The following UPP2 variants were observed in gnomAD, a reference collection of about 807,000 sequenced individuals.
UPP2 encodes the protein UPase 2.
In UPP2, 23 loss-of-function variants were observed where a neutral mutation model predicts 26.7. The observed-to-expected ratio is 0.86, with a 90% CI of 0.62 to 1.22. UPP2 has a LOEUF of 1.22. Among genes scored for constraint, UPP2 ranks in the 50% most tolerant of loss-of-function variants. UPP2 has a pLI of 0.00. For synonymous variants in UPP2, 127 were observed against 141.3 expected (o/e 0.90, Z 0.72); for missense variants, 387 against 396.7 (o/e 0.98, Z 0.21).
chr2:158,037,329 T>C (rs1684019034), intron 3 of UPP2, among the ~76,000 whole-genome samples: 1 of 152,002 alleles, frequency 6.6e-6, no homozygotes, highest in Non-Finnish European at 1.5e-5. Flanking sequence ...GAGCCGAGAT[T>C]GTGCCATTGC....
intron 2 of UPP2, among the ~76,000 whole-genome samples, chr2:158,011,625 G>T (rs1370812492): frequency 6.6e-6 from 1 of 151,276 alleles, no homozygotes; most frequent in East Asian, 1.9e-4. Context: ...GAGGATGTAG[G>T]GTCATGTGAA....
intron 3 of UPP2, among the ~76,000 whole-genome samples, chr2:158,059,837 A>G (rs1429187907): frequency 1.3e-5 from 2 of 152,018 alleles, no homozygotes; most frequent in Non-Finnish European, 2.9e-5. Flanking sequence ...TCAATGTTCT[A>G]TCTGGACCTT....
intron 2 of UPP2, among the ~76,000 whole-genome samples, chr2:158,000,823 T>C (rs1198189311): frequency 2.0e-5 from 3 of 152,256 alleles, no homozygotes; most frequent in Non-Finnish European, 4.4e-5. Context: ...TAGAAGATGC[T>C]GAAGGAGGGA....
chr2:158,080,319 C>T (rs1432451478), intron 3 of UPP2, among the ~76,000 whole-genome samples: 1 of 152,068 alleles, frequency 6.6e-6, no homozygotes, highest in Admixed American at 6.6e-5. Flanking sequence ...AGATTATGAG[C>T]TTGCTGGCCC....
chr2:158,092,769 A>G (rs1682930046), intron 3 of UPP2, among the ~76,000 whole-genome samples: 1 of 152,224 alleles, frequency 6.6e-6, no homozygotes, highest in African/African-American at 2.4e-5. Flanking sequence ...ATTAGAGTTA[A>G]ATTGTTCCAA....
At chr2:158,075,175 T>C (rs1682611753) in intron 3 of UPP2, among the ~76,000 whole-genome samples, 1 of 152,036 alleles carries the variant, frequency 6.6e-6, no homozygotes, top group Non-Finnish European at 1.5e-5. Context: ...CAGTAATAGC[T>C]GAAGATTTCA....
intron 3 of UPP2, among the ~76,000 whole-genome samples, chr2:158,041,343 A>G (rs1478176943): frequency 1.3e-5 from 2 of 152,174 alleles, no homozygotes; most frequent in African/African-American, 2.4e-5. Flanking sequence ...TTAAATGTTG[A>G]TTTTTTGGCT....
At chr2:158,129,779 T>G (rs1307468267) in intron 6 of UPP2, among the ~76,000 whole-genome samples, 2 of 151,778 alleles carry the variant, frequency 1.3e-5, no homozygotes, top group African/African-American at 4.8e-5. Flanking sequence ...GTTTGTTTTT[T>G]TTTTGAGACA....
intron 2 of UPP2, among the ~76,000 whole-genome samples, chr2:157,996,154 T>C (rs1683321648): frequency 6.6e-6 from 1 of 152,180 alleles, no homozygotes. Flanking sequence ...CTTGCCACTC[T>C]ACCATACACA....
At chr2:158,065,987 A>T in intron 3 of UPP2, 1 of 407,658 alleles carries the variant, frequency 2.5e-6, no homozygotes, top group Non-Finnish European at 4.5e-6. Flanking sequence ...TAACTTTTGT[A>T]TTTGGAGAAG....
At chr2:158,059,200 C>T (rs1306879591) in intron 3 of UPP2, among the ~76,000 whole-genome samples, 1 of 152,204 alleles carries the variant, frequency 6.6e-6, no homozygotes, top group African/African-American at 2.4e-5. Flanking sequence ...TAGATATCTT[C>T]AAGAAGTCCA....
At chr2:158,016,456 T>G (rs912118436) in intron 3 of UPP2, among the ~76,000 whole-genome samples, 1 of 152,092 alleles carries the variant, frequency 6.6e-6, no homozygotes, top group Non-Finnish European at 1.5e-5. Flanking sequence ...TTCTCCTGCC[T>G]CAGCCTCCCA....
At chr2:158,024,392 C>G (rs778175139) in intron 3 of UPP2, among the ~76,000 whole-genome samples, 6 of 152,112 alleles carry the variant, frequency 3.9e-5, no homozygotes, top group Non-Finnish European at 7.4e-5. Context: ...GGGATGTAAA[C>G]TGCATGGGAA....
chr2:157,997,255 T>A (rs555705268), intron 2 of UPP2, among the ~76,000 whole-genome samples: 1 of 152,194 alleles, frequency 6.6e-6, no homozygotes, highest in East Asian at 1.9e-4. Flanking sequence ...TATTTTTTTT[T>A]ATTTTTATTT....
intron 3 of UPP2, among the ~76,000 whole-genome samples, chr2:158,017,381 T>C (rs1683675862): frequency 6.6e-6 from 1 of 152,120 alleles, no homozygotes; most frequent in African/African-American, 2.4e-5. Flanking sequence ...TTCTGGGCAA[T>C]ACAGAAGTCA....
intron 3 of UPP2, among the ~76,000 whole-genome samples, chr2:158,091,537 G>T (rs537546021): frequency 3.9e-5 from 6 of 152,308 alleles, no homozygotes; most frequent in African/African-American, 1.4e-4. Flanking sequence ...TCAATGCATG[G>T]TATATTTGTT....
intron 3 of UPP2, among the ~76,000 whole-genome samples, chr2:158,017,259 T>C (rs954084907): frequency 6.6e-6 from 1 of 152,192 alleles, no homozygotes; most frequent in Non-Finnish European, 1.5e-5. Flanking sequence ...GTAAAACTTT[T>C]ATGGAGTGTG....
chr2:158,064,763 T>G (rs1682408713), intron 3 of UPP2, among the ~76,000 whole-genome samples: 2 of 152,230 alleles, frequency 1.3e-5, no homozygotes, highest in Admixed American at 6.5e-5. Context: ...TTGATTTTTG[T>G]ATAAGGTGTA....
rs368883207 is a variant in UPP2, at chr2:158,117,866, C to G, written c.382C>G (p.Leu128Val). The G allele has an allele frequency of 6.2e-7, 1 of 1,613,182 alleles. No homozygotes were observed. Among genetic ancestry groups the G allele is most frequent in the Non-Finnish European group, 8.5e-7 (1 of 1,179,214 alleles). ...IPSISIMLHE[L>V]IKLLHHARCC... is the part of the protein sequence containing the mutation. Reference sequence around the variant, plus strand: ...CTCCATTTCTATTATGCTTCATGAACTCATCAAATTACTCCACCATGCACG... The same window carrying G: ...CTCCATTTCTATTATGCTTCATGAAGTCATCAAATTACTCCACCATGCACG... Residue 128 changes from leucine (L) to valine (V), a missense_variant, in exon 4 of 7, where the codon CTC becomes GTC. By Grantham distance (32) the Leu-to-Val change is conservative. Transcript: ENST00000005756.
Sources: allele counts gnomAD v4.1 joint callset (sites outside exome capture counted in the v4.1 genomes callset), GRCh38; gene constraint gnomAD v4.1.1; transcripts MANE v1.5; gene names NCBI Gene and HGNC (gene_info 2026-07-23, HGNC 2026-07-21).